CACNA2D3: variants seen among roughly 807,000 people sequenced by gnomAD.
The protein encoded by CACNA2D3 is voltage-dependent calcium channel subunit alpha-2/delta-3.
CACNA2D3 carries 60 observed loss-of-function variants against 160.6 expected under a neutral mutation model. That is an observed-to-expected ratio of 0.37 (90% CI 0.30 to 0.46). The LOEUF (loss-of-function observed/expected upper bound fraction) is 0.46. Ranked by LOEUF, CACNA2D3 falls within the 20% of genes least tolerant of loss-of-function variation. The pLI is 1.00. For missense variants in CACNA2D3, 1,205 were observed against 1,365.0 expected (o/e 0.88, Z 1.85); for synonymous variants, 558 against 492.9 (o/e 1.13, Z -1.75).
At chr3:54,292,932 G>C (rs6767435) in intron 2 of CACNA2D3, among the ~76,000 whole-genome samples, 32,558 of 152,102 alleles carry the variant, frequency 0.21, 3,644 homozygotes, top group East Asian at 0.32. Context: ...GCCCGAATGT[G>C]CATCAACAGA....
At chr3:54,945,500 G>A (rs1460153867) in intron 27 of CACNA2D3, among the ~76,000 whole-genome samples, 1 of 152,174 alleles carries the variant, frequency 6.6e-6, no homozygotes, top group Admixed American at 6.5e-5. Flanking sequence ...TGTCTTTTAG[G>A]TGCCTATCCA....
chr3:54,606,618 C>T (rs547033030), intron 9 of CACNA2D3, among the ~76,000 whole-genome samples: 1 of 152,036 alleles, frequency 6.6e-6, no homozygotes, highest in East Asian at 1.9e-4. Flanking sequence ...GACTAGGAGA[C>T]GCCATTCTGG....
intron 34 of CACNA2D3, among the ~76,000 whole-genome samples, chr3:55,015,832 A>C: frequency 6.6e-6 from 1 of 152,192 alleles, no homozygotes; most frequent in East Asian, 1.9e-4. Flanking sequence ...TATCAAACAA[A>C]GATGTCCTTC....
At chr3:54,575,905 G>GC (rs1702572851) in intron 8 of CACNA2D3, among the ~76,000 whole-genome samples, 1 of 152,204 alleles carries the variant, frequency 6.6e-6, no homozygotes, top group Non-Finnish European at 1.5e-5. Flanking sequence ...AGCTCTTGGT[G>GC]TGTCTGGATC....
intron 27 of CACNA2D3, among the ~76,000 whole-genome samples, chr3:54,945,577 C>A (rs1344806760): frequency 6.6e-6 from 1 of 152,164 alleles, no homozygotes; most frequent in Non-Finnish European, 1.5e-5. Context: ...AGCACCATAA[C>A]CTGGGGCAAG....
intron 2 of CACNA2D3, among the ~76,000 whole-genome samples, chr3:54,165,876 T>A (rs1700445413): frequency 6.6e-6 from 1 of 152,142 alleles, no homozygotes; most frequent in African/African-American, 2.4e-5. Context: ...TCACATCTTA[T>A]CATTAATATA....
At chr3:54,968,782 A>T (rs1433997606) in intron 28 of CACNA2D3, among the ~76,000 whole-genome samples, 2 of 152,146 alleles carry the variant, frequency 1.3e-5, no homozygotes, top group Non-Finnish European at 1.5e-5. Flanking sequence ...TTTTCTTTTA[A>T]GTATTGGGGC....
At chr3:54,846,265 T>G (rs745524206) in intron 16 of CACNA2D3, 128 bp from the exon 17 acceptor site, 48 of 542,148 alleles carry the variant, frequency 8.9e-5, no homozygotes, top group Non-Finnish European at 1.4e-4. Context: ...TTTAATGAAA[T>G]ATTGTGCTGA....
rs1699051895 is a variant in CACNA2D3, at chr3:54,851,262, G to A, written c.1626+4795G>A. Among the ~76,000 whole-genome samples, 3 of 152,348 alleles carry A rather than the reference G, an allele frequency of 2.0e-5. No homozygotes were observed. The South Asian group carries it at 6.2e-4, about 32-fold the overall frequency. On this transcript the variant is annotated intron_variant, in intron 17 of 37. Transcript: ENST00000474759. Reference sequence around the variant, plus strand: ...CCTTGGAAAGGCCTAGAGGCTTAAGGAAAGGATGAAGGGGAGGGGAGGTCC... The same window carrying A: ...CCTTGGAAAGGCCTAGAGGCTTAAGAAAAGGATGAAGGGGAGGGGAGGTCC...
At chr3:54,824,949 A>G (rs1037468028) in intron 14 of CACNA2D3, among the ~76,000 whole-genome samples, 3 of 152,252 alleles carry the variant, frequency 2.0e-5, no homozygotes, top group African/African-American at 4.8e-5. Context: ...TTGATTTTAC[A>G]GTTCCTTACA....
chr3:54,945,426 A>G (rs191897806), intron 27 of CACNA2D3, among the ~76,000 whole-genome samples: 15 of 152,256 alleles, frequency 9.9e-5, no homozygotes, highest in Admixed American at 2.0e-4. Context: ...TCTCTCCTGT[A>G]TCCAGCCCAG....
rs768348036 is a variant in CACNA2D3 at position 54,141,094 on chromosome 3, C to CGCGCGCACGCGCGCGCACGT, written c.204+17505_204+17506insCACGCGCGCGCACGTGCGCG. On this transcript the variant is annotated intron_variant, in intron 2 of 37. Transcript: ENST00000474759. The stretch of plus-strand genomic sequence containing the variant: ...GTGTGTGTGTGTGTGTGTGCGCGCG[C>CGCGCGCACGCGCGCGCACGT]GCGCGTGTGTGCATGCATGCCTGAG... Among the ~76,000 whole-genome samples, 4 of 81,976 alleles carry CGCGCGCACGCGCGCGCACGT rather than the reference C, an allele frequency of 4.9e-5. No individual in the cohort carries two copies. The South Asian group carries it at 1.6e-3, about 32-fold the overall frequency. The allele number at this position is 81,976 out of a possible 152,430, so 53.8% of individuals were successfully genotyped here. A position where few individuals can be genotyped will look rare whatever the true frequency, so the allele number is the denominator to read the frequency against.
chr3:54,626,570 C>G, intron 9 of CACNA2D3: 1 of 1,576,374 alleles, frequency 6.3e-7, no homozygotes, highest in East Asian at 2.2e-5. Context: ...GGCGAGTTCT[C>G]CATCACCTAC....
At chr3:54,151,460 G>A (rs1700151236) in intron 2 of CACNA2D3, among the ~76,000 whole-genome samples, 1 of 152,076 alleles carries the variant, frequency 6.6e-6, no homozygotes, top group Admixed American at 6.5e-5. Context: ...ATTTCTGAGT[G>A]GAGATACTTC....
intron 13 of CACNA2D3, among the ~76,000 whole-genome samples, chr3:54,784,235 G>A (rs1276801343): frequency 2.6e-5 from 4 of 152,198 alleles, no homozygotes; most frequent in Non-Finnish European, 4.4e-5. Flanking sequence ...ACCTCTGAAC[G>A]GAAGCAAGTT....
intron 11 of CACNA2D3, among the ~76,000 whole-genome samples, chr3:54,715,978 C>G (rs1156380396): frequency 6.6e-6 from 1 of 152,124 alleles, no homozygotes. Flanking sequence ...ATCTAATATA[C>G]AGCAGGGATG....
intron 17 of CACNA2D3, among the ~76,000 whole-genome samples, chr3:54,863,324 T>C (rs1699332916): frequency 1.3e-5 from 2 of 152,156 alleles, no homozygotes; most frequent in Admixed American, 1.3e-4. Context: ...TGCCCATCTG[T>C]GTGTGTTCCT....
At chr3:55,025,914 G>A (rs1298486760) in intron 35 of CACNA2D3, among the ~76,000 whole-genome samples, 1 of 151,938 alleles carries the variant, frequency 6.6e-6, no homozygotes, top group Admixed American at 6.5e-5. Flanking sequence ...GTCTGGGTGG[G>A]GACAGAAATG....
At chr3:54,783,983 C>G (rs555622016) in intron 13 of CACNA2D3, among the ~76,000 whole-genome samples, 1 of 152,206 alleles carries the variant, frequency 6.6e-6, no homozygotes, top group South Asian at 2.1e-4. Flanking sequence ...ACCCCAACTG[C>G]TGTCAGTATG....
Sources: allele counts gnomAD v4.1 joint callset (sites outside exome capture counted in the v4.1 genomes callset), GRCh38; gene constraint gnomAD v4.1.1; transcripts MANE v1.5; gene names NCBI Gene and HGNC (gene_info 2026-07-23, HGNC 2026-07-21).